Variants in SH3GL3 observed in about 807,000 individuals in gnomAD.
SH3GL3 encodes endophilin-A3.
A neutral mutation model predicts 47.7 loss-of-function variants in SH3GL3; 33 were observed. The ratio of observed to expected loss-of-function variants is 0.69; its 90% CI spans 0.52 to 0.92. SH3GL3 has a LOEUF of 0.92. SH3GL3 is among the 40% of genes least tolerant of loss of function. The pLI is 0.00. For missense variants in SH3GL3, 363 were observed against 417.8 expected, an observed-to-expected ratio of 0.87 and a Z score of 1.14; for synonymous variants, 155 against 148.8, an observed-to-expected ratio of 1.04 and a Z score of -0.30.
intron 1 of SH3GL3, among the ~76,000 whole-genome samples, chr15:83,489,675 C>T (rs2041775856): frequency 6.6e-6 from 1 of 152,154 alleles, no homozygotes; most frequent in Non-Finnish European, 1.5e-5. Flanking sequence ...GTCACTAACC[C>T]CTCTGGGCCT....
At chr15:83,504,056 C>G (rs2042392330) in intron 1 of SH3GL3, among the ~76,000 whole-genome samples, 1 of 152,088 alleles carries the variant, frequency 6.6e-6, no homozygotes, top group South Asian at 2.1e-4. Flanking sequence ...TTTCTAAGAA[C>G]TCTTTATACA....
Position 83,588,712 on chromosome 15 carries a change from T to G in SH3GL3, c.779T>G (p.Val260Gly), listed in dbSNP as rs2060014197. The change falls in exon 8 of 9, where the codon GTG becomes GGG. Residue 260 changes from valine to glycine, a missense_variant. By Grantham distance (109) the Val-to-Gly change is moderately radical (BLOSUM62 -3). Coordinates refer to ENST00000427482, the MANE Select transcript of SH3GL3 (RefSeq NM_003027.5). ...AGACGAGAATACAAGCCAAGGCCTGTGAAAAGGAGTTCTAGTGAGCTCAAT... is the reference window on the plus strand; with the variant it reads ...AGACGAGAATACAAGCCAAGGCCTGGGAAAAGGAGTTCTAGTGAGCTCAAT... ...VPRREYKPRP[V>G]KRSSSELNGV... 1 of 1,613,316 alleles carries G rather than the reference T, an allele frequency of 6.2e-7. No individual in the cohort carries two copies. Among genetic ancestry groups the G allele is most frequent in the African/African-American group, 1.3e-5 (1 of 74,928 alleles).
chr15:83,589,243 CTT>C (rs2060030778), intron 8 of SH3GL3, among the ~76,000 whole-genome samples: 2 of 152,136 alleles, frequency 1.3e-5, no homozygotes, highest in Non-Finnish European at 2.9e-5. Flanking sequence ...TCTATAGTCT[CTT>C]GTGATCACCT....
chr15:83,492,480 G>A (rs2041916776), intron 1 of SH3GL3, among the ~76,000 whole-genome samples: 1 of 152,096 alleles, frequency 6.6e-6, no homozygotes, highest in Non-Finnish European at 1.5e-5. Flanking sequence ...GACTGTGGCA[G>A]ATGCAATTGA....
chr15:83,593,641 A>G (rs898322066), intron 8 of SH3GL3, among the ~76,000 whole-genome samples: 1 of 152,170 alleles, frequency 6.6e-6, no homozygotes, highest in Non-Finnish European at 1.5e-5. Flanking sequence ...TCATCTATAA[A>G]TGAAGACAGT....
intron 1 of SH3GL3, among the ~76,000 whole-genome samples, chr15:83,522,336 T>C (rs2151654610): frequency 6.6e-6 from 1 of 152,270 alleles, no homozygotes; most frequent in South Asian, 2.1e-4. Flanking sequence ...TTTGGTATTA[T>C]TTGCACTGTA....
At chr15:83,489,892 AG>A (rs1443112838) in intron 1 of SH3GL3, among the ~76,000 whole-genome samples, 12 of 150,098 alleles carry the variant, frequency 8.0e-5, no homozygotes, top group East Asian at 3.9e-4. Context: ...GATAGATAAT[AG>A]ATAGATAGAT....
intron 1 of SH3GL3, among the ~76,000 whole-genome samples, chr15:83,527,963 A>C (rs1402733578): frequency 6.6e-6 from 1 of 152,122 alleles, no homozygotes; most frequent in Non-Finnish European, 1.5e-5. Flanking sequence ...TCCGTTAAGC[A>C]TTTCTTACAG....
At chr15:83,477,706 T>A (rs1289404765) in intron 1 of SH3GL3, among the ~76,000 whole-genome samples, 1 of 152,172 alleles carries the variant, frequency 6.6e-6, no homozygotes, top group Non-Finnish European at 1.5e-5. Flanking sequence ...CCCTTTTGAT[T>A]TGCCAGACAT....
At chr15:83,597,521 A>G (rs1442575578) in intron 8 of SH3GL3, among the ~76,000 whole-genome samples, 1 of 152,122 alleles carries the variant, frequency 6.6e-6, no homozygotes, top group Non-Finnish European at 1.5e-5. Context: ...AAAATTTTAC[A>G]AGTAACTAGA....
intron 1 of SH3GL3, among the ~76,000 whole-genome samples, chr15:83,458,940 C>CA (rs2040135386): frequency 1.3e-5 from 2 of 152,202 alleles, no homozygotes; most frequent in African/African-American, 4.8e-5. Context: ...TGAAGTCCCA[C>CA]AATAGGTTAT....
intron 8 of SH3GL3, among the ~76,000 whole-genome samples, chr15:83,607,865 A>G (rs1216259265): frequency 1.3e-5 from 2 of 149,138 alleles, no homozygotes; most frequent in African/African-American, 4.9e-5. Context: ...TAATAATAAT[A>G]ATAATAATAA....
chr15:83,542,743 T>C (rs1367003520), intron 1 of SH3GL3, among the ~76,000 whole-genome samples: 1 of 152,090 alleles, frequency 6.6e-6, no homozygotes, highest in Non-Finnish European at 1.5e-5. Context: ...ATGTGTTTAC[T>C]TTATTGATTT....
rs115539411 is a variant in SH3GL3, at chr15:83,585,612, G to A, written c.625-1371G>A. On this transcript the variant is annotated intron_variant, in intron 6 of 8. Transcript: ENST00000427482. ...TGGCCCTGGACTTATTTAAAAGTAC[G>A]TGTAAAAGCCAAAGAGATGAAATTT... is the stretch of plus-strand genomic sequence containing the variant. Among the ~76,000 whole-genome samples the A allele has an allele frequency of 4.2e-3, 640 of 152,252 alleles. 6 individuals carry two copies. The highest frequency in any genetic ancestry group is 0.015 in the African/African-American group (614 of 41,546).
At chr15:83,591,473 G>T (rs200642474) in intron 8 of SH3GL3, among the ~76,000 whole-genome samples, 1 of 147,516 alleles carries the variant, frequency 6.8e-6, no homozygotes. Context: ...ATCCTTAAAG[G>T]TTTTTTTTTT....
the SH3GL3 span, among the ~76,000 whole-genome samples, chr15:83,624,751 A>G: frequency 1.3e-5 from 2 of 152,178 alleles, no homozygotes; most frequent in Non-Finnish European, 2.9e-5. Context: ...GCTGGGCAAC[A>G]TTGTGAGATC....
rs2059567720 is a variant in SH3GL3 at position 83,572,467 on chromosome 15, A to G, written c.332-98A>G. ...CCCGGAGCAAGGACCTTGCTACACC[A>G]TCATCCACACACTTTTGGTAAAGAA... On this transcript the variant is annotated intron_variant, in intron 4 of 8. Transcript: ENST00000427482. The G allele has an allele frequency of 3.9e-6, 4 of 1,033,316 alleles. No homozygotes were observed. In the South Asian group the frequency reaches 4.8e-5, roughly 13 times the overall value. The allele number at this position is 1,033,316 out of a possible 1,614,324, so 64.0% of individuals were successfully genotyped here.
the SH3GL3 span, among the ~76,000 whole-genome samples, chr15:83,624,315 C>T: frequency 6.6e-6 from 1 of 152,266 alleles, no homozygotes; most frequent in African/African-American, 2.4e-5. Flanking sequence ...TCAAATCTCC[C>T]CCTACGGCAC....
intron 8 of SH3GL3, among the ~76,000 whole-genome samples, chr15:83,599,807 C>T (rs1301341632): frequency 6.6e-6 from 1 of 152,176 alleles, no homozygotes; most frequent in Non-Finnish European, 1.5e-5. Context: ...TACATTCTTA[C>T]CAGCAGTGTA....
Sources: gnomAD v4.1 joint callset for allele counts (sites outside exome capture counted in the v4.1 genomes callset) on GRCh38, gnomAD v4.1.1 for gene constraint, MANE v1.5 for transcripts, NCBI Gene and HGNC (gene_info 2026-07-23, HGNC 2026-07-21) for gene names.